RAPGEF4: variants seen among roughly 807,000 people sequenced by gnomAD.
RAPGEF4 encodes RAP guanine-nucleotide-exchange factor (GEF) 4.
In RAPGEF4, 66 loss-of-function variants were observed where a neutral mutation model predicts 147.9. The ratio of observed to expected loss-of-function variants is 0.45; its 90% confidence interval spans 0.37 to 0.55. The LOEUF (loss-of-function observed/expected upper bound fraction) is 0.55. Ranked by LOEUF, RAPGEF4 falls within the 20% of genes least tolerant of loss-of-function variation. The pLI is 0.00. For missense variants in RAPGEF4, 1,071 were observed against 1,257.3 expected, an observed-to-expected ratio of 0.85 and a Z score of 2.24; for synonymous variants, 419 against 442.7, an observed-to-expected ratio of 0.95 and a Z score of 0.67.
intron 19 of RAPGEF4, 114 bp downstream of exon 19, chr2:173,016,551 G>T: frequency 1.2e-6 from 1 of 818,478 alleles, no homozygotes. Flanking sequence ...CGCTTGATTT[G>T]ATTTAAGCAG....
At chr2:172,735,357 G>A (rs1423011007), upstream of RAPGEF4, 1 of 152,256 alleles carries the variant, frequency 6.6e-6, no homozygotes, top group African/African-American at 2.4e-5. Context: ...CCCACGCCAA[G>A]CCTTCCTCGC....
At chr2:172,799,621 G>A (rs1686764770) in intron 3 of RAPGEF4, among the ~76,000 whole-genome samples, 2 of 152,150 alleles carry the variant, frequency 1.3e-5, no homozygotes, top group African/African-American at 4.8e-5. Flanking sequence ...GCCTACACAG[G>A]ATCATTCTGC....
intron 4 of RAPGEF4, among the ~76,000 whole-genome samples, chr2:172,892,318 G>A (rs1698013776): frequency 6.6e-6 from 1 of 152,186 alleles, no homozygotes; most frequent in Admixed American, 6.5e-5. Context: ...GCATAAATAT[G>A]ATGCAAAACC....
intron 4 of RAPGEF4, among the ~76,000 whole-genome samples, chr2:172,886,916 G>A (rs764440660): frequency 1.2e-4 from 19 of 152,224 alleles, no homozygotes; most frequent in Non-Finnish European, 2.1e-4. Context: ...GGCCGGGCGC[G>A]GTGGCTCTTG....
chr2:172,765,556 C>T (rs1696754480), intron 1 of RAPGEF4, among the ~76,000 whole-genome samples: 1 of 152,204 alleles, frequency 6.6e-6, no homozygotes. Context: ...TCCAGATCAA[C>T]ATGGTCCTGG....
At chr2:172,752,636 A>T (rs562297799) in intron 1 of RAPGEF4, among the ~76,000 whole-genome samples, 4 of 152,318 alleles carry the variant, frequency 2.6e-5, no homozygotes, top group African/African-American at 9.6e-5. Flanking sequence ...AACCTAGATT[A>T]GGTGTCCTTG....
rs146675527 is a variant in RAPGEF4 at position 173,002,460 on chromosome 2, G to A, written c.1658+1116G>A. Among the ~76,000 whole-genome samples the A allele has an allele frequency of 2.3e-4, 35 of 152,308 alleles. No individual in the cohort carries two copies. The East Asian group carries it at 6.2e-3, about 27-fold the overall frequency. ...AGAAAATGGGAGTGGAATAAAAGAAGTGGGTATTATTAATAAGCTTCACAC... is the reference window on the plus strand; with the variant it reads ...AGAAAATGGGAGTGGAATAAAAGAAATGGGTATTATTAATAAGCTTCACAC... On this transcript the variant is annotated intron_variant, in intron 17 of 30. Coordinates refer to ENST00000397081, the MANE Select transcript of RAPGEF4 (RefSeq NM_007023.4).
intron 29 of RAPGEF4, among the ~76,000 whole-genome samples, chr2:173,038,535 A>G (rs561315201): frequency 1.3e-5 from 2 of 152,316 alleles, no homozygotes; most frequent in Non-Finnish European, 2.9e-5. Context: ...GGAGTTGAAC[A>G]ATGAGAACAC....
chr2:172,857,477 A>G (rs1693558958), intron 4 of RAPGEF4, among the ~76,000 whole-genome samples: 1 of 152,234 alleles, frequency 6.6e-6, no homozygotes, highest in South Asian at 2.1e-4. Context: ...ACGCGAGTTT[A>G]TATACAAGTT....
chr2:172,976,631 C>A (rs1040913565), intron 10 of RAPGEF4, among the ~76,000 whole-genome samples: 2 of 152,100 alleles, frequency 1.3e-5, no homozygotes, highest in Admixed American at 1.3e-4. Context: ...GGGTGTTTTC[C>A]CCTTGTACCA....
chr2:173,050,757 CAAAAAA>C (rs34661805), intron 30 of RAPGEF4, among the ~76,000 whole-genome samples: 2 of 120,080 alleles, frequency 1.7e-5, no homozygotes, highest in East Asian at 2.3e-4. Context: ...CATTTCTTAA[CAAAAAA>C]AAAAAAAAAA....
chr2:172,755,453 G>A (rs1234156939), intron 1 of RAPGEF4, among the ~76,000 whole-genome samples: 2 of 152,286 alleles, frequency 1.3e-5, no homozygotes, highest in East Asian at 3.9e-4. Flanking sequence ...GGAGTGCAGT[G>A]GTGCAATCTC....
intron 4 of RAPGEF4, among the ~76,000 whole-genome samples, chr2:172,832,652 A>G (rs13404217): frequency 6.6e-6 from 1 of 152,148 alleles, no homozygotes; most frequent in Non-Finnish European, 1.5e-5. Context: ...ACATGTGTAT[A>G]TATTTCATTC....
intron 6 of RAPGEF4, among the ~76,000 whole-genome samples, chr2:172,931,511 C>T (rs186378077): frequency 1.3e-5 from 2 of 152,310 alleles, no homozygotes; most frequent in East Asian, 3.9e-4. Context: ...TCCTTATAAA[C>T]TTGGCTCAGA....
chr2:172,941,043 C>A (rs1217988622), intron 6 of RAPGEF4, among the ~76,000 whole-genome samples: 1 of 152,112 alleles, frequency 6.6e-6, no homozygotes, highest in Non-Finnish European at 1.5e-5. Flanking sequence ...TGTGGAAAAA[C>A]AATTGGTATT....
At chr2:173,033,699 T>C (rs1166388345) in intron 26 of RAPGEF4, among the ~76,000 whole-genome samples, 1 of 152,222 alleles carries the variant, frequency 6.6e-6, no homozygotes, top group Non-Finnish European at 1.5e-5. Context: ...TCATAGTTAC[T>C]TTTGGTTCAG....
At chr2:172,905,790 G>A (rs1254022268) in intron 4 of RAPGEF4, among the ~76,000 whole-genome samples, 1 of 152,226 alleles carries the variant, frequency 6.6e-6, no homozygotes, top group African/African-American at 2.4e-5. Flanking sequence ...CTATAAAAGG[G>A]CCAAAGGATG....
chr2:172,754,732 C>T (rs2149450165), intron 1 of RAPGEF4, among the ~76,000 whole-genome samples: 1 of 152,064 alleles, frequency 6.6e-6, no homozygotes. Context: ...TTGGAAATGT[C>T]AAGTTAAAGC....
chr2:172,912,834 C>T (rs1007818867), intron 4 of RAPGEF4, among the ~76,000 whole-genome samples: 1 of 151,906 alleles, frequency 6.6e-6, no homozygotes, highest in Non-Finnish European at 1.5e-5. Context: ...AACTTTCCAC[C>T]ACTGCAAAAC....
Sources: allele counts gnomAD v4.1 joint callset (sites outside exome capture counted in the v4.1 genomes callset), GRCh38; gene constraint gnomAD v4.1.1; transcripts MANE v1.5; gene names NCBI Gene and HGNC (gene_info 2026-07-23, HGNC 2026-07-21).